PINX1: variants seen among roughly 807,000 people sequenced by gnomAD.
The protein encoded by PINX1 is PIN2/TERF1-interacting telomerase inhibitor 1.
In PINX1, 34 loss-of-function variants were observed where a neutral mutation model predicts 25.4. That is an observed-to-expected ratio of 1.34 (90% CI 1.02 to 1.78). The LOEUF (loss-of-function observed/expected upper bound fraction) is 1.78. Among genes scored for constraint, PINX1 ranks in the 40% most tolerant of loss-of-function variants. The pLI, the probability that PINX1 is intolerant of heterozygous loss-of-function variation, is 0.00. For missense variants in PINX1, 592 were observed against 404.9 expected (o/e 1.46, Z -3.97); for synonymous variants, 197 against 147.7 (o/e 1.33, Z -2.42).
chr8:10,805,901 T>G (rs57564827), intron 6 of PINX1, among the ~76,000 whole-genome samples: 2 of 53,500 alleles, frequency 3.7e-5, no homozygotes, highest in Admixed American at 1.5e-4. Context: ...GCTGAGGGGG[T>G]GACAGAGCAC....
intron 6 of PINX1, among the ~76,000 whole-genome samples, chr8:10,768,515 C>T (rs554403383): frequency 2.0e-5 from 3 of 152,258 alleles, no homozygotes; most frequent in African/African-American, 4.8e-5. Flanking sequence ...TTAATAGGCA[C>T]GGGTCACTGC....
chr8:10,808,683 G>A (rs1191716601), intron 6 of PINX1, among the ~76,000 whole-genome samples: 2 of 152,148 alleles, frequency 1.3e-5, no homozygotes, highest in Non-Finnish European at 2.9e-5. Flanking sequence ...ACCAGAAGCT[G>A]GAGATCTTAA....
intron 6 of PINX1, among the ~76,000 whole-genome samples, chr8:10,768,714 A>G (rs1296290972): frequency 6.6e-6 from 1 of 152,206 alleles, no homozygotes; most frequent in African/African-American, 2.4e-5. Flanking sequence ...AAATACATTG[A>G]AAATCTGACT....
intron 6 of PINX1, among the ~76,000 whole-genome samples, chr8:10,817,571 G>A (rs991697331): frequency 6.6e-6 from 1 of 152,238 alleles, no homozygotes; most frequent in African/African-American, 2.4e-5. Flanking sequence ...TGTCTTAAAT[G>A]TGATTACATT....
intron 5 of PINX1, chr8:10,825,515 A>C (rs1458396112): frequency 3.8e-6 from 2 of 528,880 alleles, no homozygotes; most frequent in Non-Finnish European, 7.8e-6. Context: ...ATCGCCACCT[A>C]GTGGCTGAAG....
At chr8:10,820,955 A>G (rs1797848568) in intron 5 of PINX1, among the ~76,000 whole-genome samples, 1 of 152,198 alleles carries the variant, frequency 6.6e-6, no homozygotes, top group South Asian at 2.1e-4. Flanking sequence ...TAAAACACTA[A>G]ACTCTTTAAT....
intron 6 of PINX1, among the ~76,000 whole-genome samples, chr8:10,773,070 T>G (rs1801279806): frequency 6.6e-6 from 1 of 152,244 alleles, no homozygotes. Context: ...AAATTTGTTT[T>G]CTTTCTCATT....
intron 3 of PINX1, among the ~76,000 whole-genome samples, chr8:10,832,282 T>C (rs186690439): frequency 6.6e-6 from 1 of 152,260 alleles, no homozygotes; most frequent in Admixed American, 6.5e-5. Flanking sequence ...AATAAGTTTA[T>C]TATAAAAAAA....
intron 6 of PINX1, chr8:10,771,143 T>C (rs1801208641): frequency 6.6e-6 from 1 of 152,232 alleles, no homozygotes; most frequent in African/African-American, 2.4e-5. Context: ...TCCAAACTTT[T>C]CAGTGGGGCA....
intron 6 of PINX1, among the ~76,000 whole-genome samples, chr8:10,770,281 A>G (rs140031706): frequency 1.4e-3 from 207 of 152,322 alleles, no homozygotes; most frequent in African/African-American, 4.8e-3. Flanking sequence ...ATGGGCGTAC[A>G]CTGTGTGTCA....
chr8:10,768,317 G>A (rs1329591110), intron 6 of PINX1, among the ~76,000 whole-genome samples: 1 of 152,188 alleles, frequency 6.6e-6, no homozygotes, highest in African/African-American at 2.4e-5. Flanking sequence ...TCCTTACCTT[G>A]CTCATCTATT....
rs1484791751 is a variant in PINX1, at chr8:10,819,742, G to A, written c.471+451C>T. ...CCCTTATAGATGGTGCTGATCTAGC[G>A]CTGTCTCAAATGCTGTTAGAATGGG... On this transcript the variant is annotated intron_variant, in intron 6 of 6. Transcript: ENST00000314787. Among the ~76,000 whole-genome samples, 5 of 152,278 alleles carry A rather than the reference G, an allele frequency of 3.3e-5. No individual in the cohort carries two copies. The South Asian group carries it at 6.2e-4, about 19-fold the overall frequency.
At chr8:10,806,448 T>C (rs77291993) in intron 6 of PINX1, among the ~76,000 whole-genome samples, 1 of 152,138 alleles carries the variant, frequency 6.6e-6, no homozygotes, top group East Asian at 1.9e-4. Context: ...TGATGCCAGG[T>C]CTAAGATTTG....
At chr8:10,800,972 G>A (rs896291354) in intron 6 of PINX1, among the ~76,000 whole-genome samples, 15 of 152,132 alleles carry the variant, frequency 9.9e-5, no homozygotes, top group African/African-American at 2.2e-4. Context: ...GTGAGATGGC[G>A]GCCCCTGGGG....
chr8:10,782,433 T>TAAA (rs1801614759), intron 6 of PINX1, among the ~76,000 whole-genome samples: 2 of 135,886 alleles, frequency 1.5e-5, no homozygotes, highest in African/African-American at 2.6e-5. Context: ...AAAAAAAAAT[T>TAAA]TTTTTTTTTA....
chr8:10,812,613 C>G (rs1208199398), intron 6 of PINX1, among the ~76,000 whole-genome samples: 1 of 152,204 alleles, frequency 6.6e-6, no homozygotes, highest in African/African-American at 2.4e-5. Flanking sequence ...GATAACCACA[C>G]CCATTTCTTC....
chr8:10,816,829 G>A (rs1222462055), intron 6 of PINX1, among the ~76,000 whole-genome samples: 4 of 96,908 alleles, frequency 4.1e-5, no homozygotes, highest in African/African-American at 2.0e-4. Context: ...GGAATTGGAC[G>A]GACACAGATT....
At chr8:10,794,316 C>T in intron 6 of PINX1, among the ~76,000 whole-genome samples, 1 of 152,152 alleles carries the variant, frequency 6.6e-6, no homozygotes, top group South Asian at 2.1e-4. Context: ...CAAATATTTC[C>T]GTTAACCTAC....
chr8:10,810,771 A>G (rs73208775), intron 6 of PINX1, among the ~76,000 whole-genome samples: 25,529 of 152,222 alleles, frequency 0.17, 2,556 homozygotes, highest in Non-Finnish European at 0.23. Flanking sequence ...TCACTGCCTT[A>G]GTCATTACTT....
Sources: gnomAD v4.1 joint callset for allele counts (sites outside exome capture counted in the v4.1 genomes callset) on GRCh38, gnomAD v4.1.1 for gene constraint, MANE v1.5 for transcripts, NCBI Gene and HGNC (gene_info 2026-07-23, HGNC 2026-07-21) for gene names.